ARHGAP26: variants seen among roughly 807,000 people sequenced by gnomAD.
ARHGAP26 encodes Rho GTPase activating protein 26, also known as rho GTPase-activating protein 26.
ARHGAP26 carries 38 observed loss-of-function variants against 104.8 expected under a neutral mutation model. The observed-to-expected ratio is 0.36, with a 90% CI of 0.28 to 0.48. The LOEUF is 0.48. ARHGAP26 is among the 20% of genes least tolerant of loss of function. The pLI is 0.99. For missense variants in ARHGAP26, 704 were observed against 947.9 expected, an observed-to-expected ratio of 0.74 and a Z score of 3.38; for synonymous variants, 341 against 340.0, an observed-to-expected ratio of 1.00 and a Z score of -0.03.
intron 1 of ARHGAP26, among the ~76,000 whole-genome samples, chr5:142,774,500 G>T (rs2151805874): frequency 6.6e-6 from 1 of 151,396 alleles, no homozygotes; most frequent in Non-Finnish European, 1.5e-5. Context: ...CCTCATACCT[G>T]TCCCTTCCAG....
intron 11 of ARHGAP26, among the ~76,000 whole-genome samples, chr5:142,979,768 G>T (rs1012086147): frequency 1.3e-5 from 2 of 152,236 alleles, no homozygotes; most frequent in African/African-American, 4.8e-5. Context: ...AATCCCAGAA[G>T]GTAATTCCAT....
At chr5:142,831,665 C>T (rs1372968513) in intron 1 of ARHGAP26, among the ~76,000 whole-genome samples, 1 of 152,024 alleles carries the variant, frequency 6.6e-6, no homozygotes, top group Non-Finnish European at 1.5e-5. Flanking sequence ...CTCCTCCTCC[C>T]TCTCCCAACC....
At chr5:143,000,631 T>C (rs1420176189) in intron 11 of ARHGAP26, among the ~76,000 whole-genome samples, 10 of 152,196 alleles carry the variant, frequency 6.6e-5, no homozygotes, top group Admixed American at 6.5e-4. Context: ...CCAATTCAAA[T>C]GCTCATCAAT....
chr5:143,089,137 T>C (rs1230571312), intron 17 of ARHGAP26, among the ~76,000 whole-genome samples: 1 of 152,236 alleles, frequency 6.6e-6, no homozygotes, highest in Non-Finnish European at 1.5e-5. Context: ...TCCTCTTGCA[T>C]TTCCTTACAG....
chr5:143,121,664 C>T (rs926374783), intron 18 of ARHGAP26, among the ~76,000 whole-genome samples: 43 of 152,098 alleles, frequency 2.8e-4, no homozygotes, highest in African/African-American at 9.9e-4. Context: ...TTTGTGTGCG[C>T]GTGTCTTTAT....
chr5:143,126,582 A>G lies in ARHGAP26; in HGVS notation c.1698+5435A>G, dbSNP rs573417472. ...CTAAACTTGCAGCTCAGATAGTGTC[A>G]CCTTTGACCTACAGGCTTTGCTTGG... is the stretch of plus-strand genomic sequence containing the variant. On this transcript the variant is annotated intron_variant, in intron 18 of 22. Coordinates refer to ENST00000645722, the MANE Select transcript of ARHGAP26 (RefSeq NM_001135608.3). Among the ~76,000 whole-genome samples, 177 of 152,304 alleles carry G rather than the reference A, an allele frequency of 1.2e-3. 2 individuals are homozygous for G. The South Asian group carries it at 0.022, about 19-fold the overall frequency.
intron 10 of ARHGAP26, among the ~76,000 whole-genome samples, chr5:142,923,202 C>A (rs1394679531): frequency 6.6e-6 from 1 of 151,594 alleles, no homozygotes; most frequent in African/African-American, 2.4e-5. Context: ...ATTGAGGCAA[C>A]CCTATTTTTA....
intron 14 of ARHGAP26, among the ~76,000 whole-genome samples, chr5:143,048,223 T>C (rs937982918): frequency 6.6e-6 from 1 of 152,144 alleles, no homozygotes; most frequent in Non-Finnish European, 1.5e-5. Flanking sequence ...GTAAGATTAT[T>C]ATTTGTCTTA....
chr5:142,932,981 T>C (rs1374883753), intron 11 of ARHGAP26, among the ~76,000 whole-genome samples: 1 of 152,242 alleles, frequency 6.6e-6, no homozygotes, highest in Non-Finnish European at 1.5e-5. Flanking sequence ...TGACATTTAA[T>C]AATATAGAGC....
At chr5:143,211,219 A>T (rs541203512) in intron 21 of ARHGAP26, among the ~76,000 whole-genome samples, 2 of 152,314 alleles carry the variant, frequency 1.3e-5, no homozygotes, top group South Asian at 4.1e-4. Context: ...AATACAGCAG[A>T]CCCAGTTAAA....
intron 3 of ARHGAP26, 126 bp downstream of exon 3, chr5:142,875,297 A>C: frequency 1.1e-6 from 1 of 907,686 alleles, no homozygotes; most frequent in Non-Finnish European, 1.8e-6. Context: ...GCTCTTCAGC[A>C]AGCCTCATCT....
intron 1 of ARHGAP26, among the ~76,000 whole-genome samples, chr5:142,865,305 C>A (rs1308676792): frequency 2.0e-5 from 3 of 152,090 alleles, no homozygotes; most frequent in African/African-American, 7.2e-5. Flanking sequence ...TTAAGCCAGT[C>A]CTTAATTTCT....
intron 11 of ARHGAP26, among the ~76,000 whole-genome samples, chr5:142,967,365 C>A (rs1224075250): frequency 6.6e-6 from 1 of 152,162 alleles, no homozygotes; most frequent in African/African-American, 2.4e-5. Flanking sequence ...GTGTGGTGAC[C>A]TCCCAGCCTC....
rs35142931 is a variant in ARHGAP26, at chr5:143,167,307, TAAAAAAAA to T, written c.1988+19944_1988+19951del. On this transcript the variant is annotated intron_variant, in intron 20 of 22. Transcript: ENST00000645722. ...CATTGTTGAAACCTCATCTCTACTT[TAAAAAAAA>T]AAAAAAAAAAAAAAAAATTAGCTGG... Among the ~76,000 whole-genome samples the T allele has an allele frequency of 1.7e-4, 16 of 96,900 alleles. No homozygotes were observed. The South Asian group carries it at 1.7e-3, about 11-fold the overall frequency. 63.6% of individuals were successfully genotyped at this position (96,900 alleles called of 152,430 possible).
At chr5:143,134,782 C>T (rs1332933299) in intron 19 of ARHGAP26, among the ~76,000 whole-genome samples, 1 of 152,208 alleles carries the variant, frequency 6.6e-6, no homozygotes, top group African/African-American at 2.4e-5. Flanking sequence ...TCTAAGAGAG[C>T]CTCCATTTGC....
intron 17 of ARHGAP26, among the ~76,000 whole-genome samples, chr5:143,105,515 A>G (rs1424030381): frequency 6.6e-6 from 1 of 152,162 alleles, no homozygotes; most frequent in Non-Finnish European, 1.5e-5. Context: ...TTTATTGCGT[A>G]AGTTTTCTTC....
At chr5:143,058,478 G>T (rs1786190614) in intron 17 of ARHGAP26, among the ~76,000 whole-genome samples, 1 of 152,212 alleles carries the variant, frequency 6.6e-6, no homozygotes, top group African/African-American at 2.4e-5. Flanking sequence ...GACTTCCCGT[G>T]CTGCATTCAT....
At chr5:142,926,593 CT>C (rs1763937506) in intron 10 of ARHGAP26, among the ~76,000 whole-genome samples, 1 of 152,056 alleles carries the variant, frequency 6.6e-6, no homozygotes, top group Non-Finnish European at 1.5e-5. Context: ...TGGTAGGCCA[CT>C]TTGTTGCGTT....
At chr5:143,091,739 G>T (rs1204710602) in intron 17 of ARHGAP26, among the ~76,000 whole-genome samples, 1 of 152,142 alleles carries the variant, frequency 6.6e-6, no homozygotes, top group African/African-American at 2.4e-5. Context: ...TTGTTAAAGA[G>T]CAGGTTAGTG....
Sources: gnomAD v4.1 joint callset for allele counts (sites outside exome capture counted in the v4.1 genomes callset) on GRCh38, gnomAD v4.1.1 for gene constraint, MANE v1.5 for transcripts, NCBI Gene and HGNC (gene_info 2026-07-23, HGNC 2026-07-21) for gene names.